The following DACH1 variants were observed in gnomAD, a reference collection of about 807,000 sequenced individuals.
DACH1 encodes dachshund homolog 1.
DACH1 carries 12 observed loss-of-function variants against 54.2 expected under a neutral mutation model. The ratio of observed to expected loss-of-function variants is 0.22; its 90% CI spans 0.14 to 0.36. The LOEUF (loss-of-function observed/expected upper bound fraction) is 0.36, where lower values mean the gene tolerates loss of function less well. Among genes scored for constraint, DACH1 ranks in the 10% least tolerant of loss-of-function variants. The pLI is 1.00. For synonymous variants in DACH1, 386 were observed against 366.2 expected, an observed-to-expected ratio of 1.05 and a Z score of -0.62; for missense variants, 805 against 929.8, an observed-to-expected ratio of 0.87 and a Z score of 1.75.
chr13:71,848,222 T>C (rs961057728), intron 1 of DACH1, among the ~76,000 whole-genome samples: 2 of 150,978 alleles, frequency 1.3e-5, no homozygotes, highest in Non-Finnish European at 2.9e-5. Context: ...CCCAAAAAAA[T>C]GGTATTTTTT....
intron 1 of DACH1, among the ~76,000 whole-genome samples, chr13:71,819,095 A>G (rs1888085920): frequency 6.6e-6 from 1 of 152,150 alleles, no homozygotes; most frequent in African/African-American, 2.4e-5. Flanking sequence ...GAGGCCTAAA[A>G]GGGAGAGGAG....
intron 6 of DACH1, among the ~76,000 whole-genome samples, chr13:71,522,605 C>A (rs1015847950): frequency 6.6e-6 from 1 of 152,020 alleles, no homozygotes; most frequent in Non-Finnish European, 1.5e-5. Context: ...CCAAATACAA[C>A]CTTCAGTTTA....
chr13:71,497,649 T>C (rs1027115204), intron 6 of DACH1, among the ~76,000 whole-genome samples: 2 of 152,116 alleles, frequency 1.3e-5, no homozygotes, highest in Non-Finnish European at 2.9e-5. Flanking sequence ...CTGTAGTTTC[T>C]ATATTATGTC....
chr13:71,529,211 G>A (rs1410123569), intron 6 of DACH1, among the ~76,000 whole-genome samples: 2 of 118,080 alleles, frequency 1.7e-5, no homozygotes, highest in Non-Finnish European at 3.3e-5. Flanking sequence ...TTTTGAGGCA[G>A]AATCTCGCTG....
intron 4 of DACH1, among the ~76,000 whole-genome samples, chr13:71,570,314 TC>T (rs1885120798): frequency 1.3e-5 from 2 of 152,176 alleles, no homozygotes; most frequent in African/African-American, 4.8e-5. Flanking sequence ...GTGTTTACTT[TC>T]AATAATCTTT....
chr13:71,664,535 G>A (rs773919816), intron 2 of DACH1, among the ~76,000 whole-genome samples: 5 of 151,902 alleles, frequency 3.3e-5, no homozygotes, highest in Non-Finnish European at 7.4e-5. Context: ...CAATGCAAGG[G>A]GGGAATGATA....
At chr13:71,529,612 G>C (rs1160967412) in intron 6 of DACH1, among the ~76,000 whole-genome samples, 1 of 152,056 alleles carries the variant, frequency 6.6e-6, no homozygotes, top group African/African-American at 2.4e-5. Context: ...AATAACTTCG[G>C]AGAATATTCA....
intron 1 of DACH1, among the ~76,000 whole-genome samples, chr13:71,817,729 A>T (rs1888015433): frequency 6.6e-6 from 1 of 152,046 alleles, no homozygotes; most frequent in Admixed American, 6.6e-5. Flanking sequence ...AGGAAATAAA[A>T]TATATGATTA....
chr13:71,653,804 G>C (rs1189984817), intron 2 of DACH1, among the ~76,000 whole-genome samples: 3 of 151,866 alleles, frequency 2.0e-5, no homozygotes, highest in Non-Finnish European at 4.4e-5. Context: ...TGCCAGAACT[G>C]ATTACAGTAA....
intron 10 of DACH1, among the ~76,000 whole-genome samples, chr13:71,442,354 G>A (rs987541387): frequency 1.3e-4 from 20 of 152,088 alleles, no homozygotes; most frequent in Non-Finnish European, 2.5e-4. Context: ...CATCCATGTT[G>A]CTGTAAATGA....
intron 6 of DACH1, among the ~76,000 whole-genome samples, chr13:71,555,894 CTA>C (rs1186968091): frequency 6.6e-6 from 1 of 152,096 alleles, no homozygotes; most frequent in African/African-American, 2.4e-5. Flanking sequence ...ATTAATGTCT[CTA>C]TTTCTCAATT....
chr13:71,809,151 A>T (rs1887617505), intron 1 of DACH1, among the ~76,000 whole-genome samples: 1 of 152,186 alleles, frequency 6.6e-6, no homozygotes, highest in East Asian at 1.9e-4. Flanking sequence ...TTCATGTGAA[A>T]AGGTATTTAT....
Position 71,489,014 on chromosome 13 carries a change from G to A in DACH1, c.1705C>T (p.Leu569Phe). 1.2e-6 allele frequency: 2 copies of A among 1,613,628 alleles called. No individual in the cohort carries two copies. Among genetic ancestry groups the A allele is most frequent in the Non-Finnish European group, 8.5e-7 (1 of 1,179,748 alleles). Residue 569 changes from leucine (L) to phenylalanine (F), a missense_variant, in exon 7 of 11, where the codon CTT (leucine) becomes TTT (phenylalanine). Leu to Phe is a conservative substitution (Grantham distance 22). Coordinates refer to ENST00000613252, the MANE Select transcript of DACH1 (RefSeq NM_080759.6). ...AGGCCTACCTGTATGTTAGTCAGAA[G>A]AGTCTCGATGGAAGACAGTCCATCA... Reference protein sequence around the residue: ...FPDGLSSIETLLTNIQGLLKV... With the variant: ...FPDGLSSIETFLTNIQGLLKV...
At chr13:71,635,786 T>C (rs899658524) in intron 2 of DACH1, among the ~76,000 whole-genome samples, 3 of 152,128 alleles carry the variant, frequency 2.0e-5, no homozygotes, top group Non-Finnish European at 2.9e-5. Context: ...ACATTTTTCT[T>C]TTCTTTTCTT....
At chr13:71,773,193 A>G (rs1372032188) in intron 1 of DACH1, among the ~76,000 whole-genome samples, 1 of 151,922 alleles carries the variant, frequency 6.6e-6, no homozygotes, top group Non-Finnish European at 1.5e-5. Context: ...AAAACCTATT[A>G]AGAGTGTTAC....
Position 71,532,734 on chromosome 13 carries a change from A to T in DACH1, c.1570+24290T>A, listed in dbSNP as rs548076784. Among the ~76,000 whole-genome samples the T allele has an allele frequency of 2.0e-5, 3 of 152,072 alleles. No homozygotes were observed. The South Asian group carries it at 6.2e-4, about 31-fold the overall frequency. ...AATGCTTCTATCTAAATAATCTATG[A>T]CTACAGCTTTAATAACCTCTTCTGG... On this transcript the variant is annotated intron_variant, in intron 6 of 10. Coordinates refer to ENST00000613252, the MANE Select transcript of DACH1 (RefSeq NM_080759.6).
chr13:71,847,249 C>G (rs913177201), intron 1 of DACH1, among the ~76,000 whole-genome samples: 3 of 152,056 alleles, frequency 2.0e-5, no homozygotes, highest in African/African-American at 7.2e-5. Context: ...ATATAAAAAT[C>G]TAAAACATAT....
intron 1 of DACH1, among the ~76,000 whole-genome samples, chr13:71,769,836 T>C (rs1182057389): frequency 2.0e-5 from 3 of 151,622 alleles, no homozygotes; most frequent in Non-Finnish European, 1.5e-5. Flanking sequence ...CATGATCTTA[T>C]GCATAAAAAC....
At chr13:71,797,014 C>T (rs959496901) in intron 1 of DACH1, among the ~76,000 whole-genome samples, 1 of 151,526 alleles carries the variant, frequency 6.6e-6, no homozygotes, top group African/African-American at 2.4e-5. Context: ...ATAGAAATTC[C>T]AAATACACCT....
Sources: gnomAD v4.1 joint callset for allele counts (sites outside exome capture counted in the v4.1 genomes callset) on GRCh38, gnomAD v4.1.1 for gene constraint, MANE v1.5 for transcripts, NCBI Gene and HGNC (gene_info 2026-07-23, HGNC 2026-07-21) for gene names.